ZNF329: variants seen among roughly 807,000 people sequenced by gnomAD.
ZNF329 encodes the protein zinc finger protein 329.
A neutral mutation model predicts 26.6 loss-of-function variants in ZNF329; 15 were observed. That is an observed-to-expected ratio of 0.56 (90% CI 0.38 to 0.87). The LOEUF (loss-of-function observed/expected upper bound fraction) is 0.87. Among genes scored for constraint, ZNF329 ranks in the 40% least tolerant of loss-of-function variants. ZNF329 has a pLI of 0.00. For missense variants in ZNF329, 651 were observed against 651.9 expected (o/e 1.00, Z 0.02); for synonymous variants, 239 against 233.5 (o/e 1.02, Z -0.21).
intron 3 of ZNF329, among the ~76,000 whole-genome samples, chr19:58,138,724 C>T (rs544494701): frequency 3.2e-4 from 48 of 152,192 alleles, no homozygotes; most frequent in Admixed American, 3.9e-4. Context: ...AGGCTGGGTG[C>T]GGTGGCTCAC....
chr19:58,140,079 C>T (rs981796438), intron 3 of ZNF329, among the ~76,000 whole-genome samples: 2 of 152,124 alleles, frequency 1.3e-5, no homozygotes, highest in Non-Finnish European at 2.9e-5. Flanking sequence ...AATTTAATCC[C>T]TACTGTGGTG....
At chr19:58,146,675 C>T (rs955931061) in intron 1 of ZNF329, among the ~76,000 whole-genome samples, 3 of 151,012 alleles carry the variant, frequency 2.0e-5, no homozygotes, top group Non-Finnish European at 3.0e-5. Flanking sequence ...CTCAGCCTGC[C>T]GAGTGCCTGC....
chr19:58,140,079 C>G (rs981796438), intron 3 of ZNF329, among the ~76,000 whole-genome samples: 1 of 152,124 alleles, frequency 6.6e-6, no homozygotes, highest in Non-Finnish European at 1.5e-5. Context: ...AATTTAATCC[C>G]TACTGTGGTG....
intron 3 of ZNF329, among the ~76,000 whole-genome samples, chr19:58,131,285 C>T (rs1313154678): frequency 6.6e-6 from 1 of 152,102 alleles, no homozygotes; most frequent in Non-Finnish European, 1.5e-5. Flanking sequence ...GGGGTCATGC[C>T]TGTAATCCCA....
At chr19:58,139,726 T>A (rs2075144524) in intron 3 of ZNF329, among the ~76,000 whole-genome samples, 1 of 152,152 alleles carries the variant, frequency 6.6e-6, no homozygotes, top group Admixed American at 6.5e-5. Flanking sequence ...GAGTTCTGAA[T>A]AGATATTTCC....
chr19:58,135,011 C>G, intron 3 of ZNF329, among the ~76,000 whole-genome samples: 1 of 151,852 alleles, frequency 6.6e-6, no homozygotes, highest in East Asian at 1.9e-4. Flanking sequence ...AAGAAAACAG[C>G]AAATCTAAGG....
chr19:58,149,927 C>G (rs1005342746), intron 1 of ZNF329, among the ~76,000 whole-genome samples: 1 of 152,110 alleles, frequency 6.6e-6, no homozygotes, highest in African/African-American at 2.4e-5. Context: ...GTTGTGATAT[C>G]TGCAACTTAC....
chr19:58,129,210 A>G lies in ZNF329; in HGVS notation c.294T>C (p.Val98=), dbSNP rs756926126. 6.2e-7 allele frequency: 1 copy of G among 1,614,180 alleles called. No individual in the cohort carries two copies. The highest frequency in any genetic ancestry group is 2.2e-5 in the East Asian group (1 of 44,874). Residue 98 remains valine (V), a synonymous_variant, in exon 4 of 4, where the codon GTT becomes GTC. Coordinates refer to ENST00000598312, the MANE Select transcript of ZNF329 (RefSeq NM_024620.4). ...AGGCGGGGTCACAATCCAGACCACTAACATTTGAGTCAGGTGCATGGAAAC... is the reference window on the plus strand; with the variant it reads ...AGGCGGGGTCACAATCCAGACCACTGACATTTGAGTCAGGTGCATGGAAAC... ...TNGFHAPDSN[V]SGLDCDPALP...
intron 1 of ZNF329, among the ~76,000 whole-genome samples, chr19:58,144,396 A>ATATATTTTTTT (rs756544055): frequency 7.8e-6 from 1 of 127,660 alleles, no homozygotes; most frequent in African/African-American, 3.0e-5. Context: ...ATATATATAT[A>ATATATTTTTTT]TTTTTTTTTT....
Position 58,127,907 on chromosome 19 carries a change from G to A in ZNF329, c.1597C>T (p.His533Tyr). Residue 533 changes from histidine (H) to tyrosine (Y), a missense_variant, in exon 4 of 4, where the codon CAC (histidine) becomes TAC (tyrosine). Physicochemically the swap from His to Tyr is moderately conservative, Grantham distance 83. Transcript: ENST00000598312. Reference protein sequence around the residue: ...SSSLVRHQRAHLGEQPMET With the variant: ...SSSLVRHQRAYLGEQPMET Reference sequence around the variant, plus strand: ...GTTTCCATGGGTTGCTCTCCCAGGTGTGCTCTTTGATGTCGAACAAGGGAT... The same window carrying A: ...GTTTCCATGGGTTGCTCTCCCAGGTATGCTCTTTGATGTCGAACAAGGGAT... The A allele has an allele frequency of 1.2e-6, 2 of 1,605,230 alleles. No homozygotes were observed. The highest frequency in any genetic ancestry group is 1.7e-6 in the Non-Finnish European group (2 of 1,175,466).
intron 3 of ZNF329, chr19:58,136,860 G>C (rs1374122078): frequency 6.1e-6 from 1 of 163,658 alleles, no homozygotes; most frequent in Admixed American, 6.3e-5. Context: ...AACACATTCT[G>C]GGATGTGGGT....
At chr19:58,153,160 A>C (rs920242940), upstream of ZNF329, among the ~76,000 whole-genome samples, 2 of 152,080 alleles carry the variant, frequency 1.3e-5, no homozygotes, top group African/African-American at 4.8e-5. Flanking sequence ...CCCAGGCTGG[A>C]GTGCAGTGAC....
chr19:58,129,886 A>G (rs1023222031), intron 3 of ZNF329, among the ~76,000 whole-genome samples: 1 of 152,138 alleles, frequency 6.6e-6, no homozygotes, highest in South Asian at 2.1e-4. Flanking sequence ...CACATTTCCA[A>G]AGCTCTGACT....
chr19:58,145,918 T>C (rs2075297666), intron 1 of ZNF329, among the ~76,000 whole-genome samples: 1 of 150,824 alleles, frequency 6.6e-6, no homozygotes, highest in Non-Finnish European at 1.5e-5. Flanking sequence ...AGTCTGAATT[T>C]AATATTGGGA....
At chr19:58,153,594 G>C (rs555773690), upstream of ZNF329, among the ~76,000 whole-genome samples, 24 of 152,304 alleles carry the variant, frequency 1.6e-4, no homozygotes, top group African/African-American at 4.6e-4. Flanking sequence ...TACAGAAACA[G>C]AAGGCCCACT....
At chr19:58,146,187 T>C (rs2075305507) in intron 1 of ZNF329, among the ~76,000 whole-genome samples, 1 of 152,038 alleles carries the variant, frequency 6.6e-6, no homozygotes, top group Admixed American at 6.6e-5. Context: ...TAATAAAGTA[T>C]CTGGGGCCAG....
intron 3 of ZNF329, among the ~76,000 whole-genome samples, chr19:58,136,502 T>C (rs1386218259): frequency 6.6e-6 from 1 of 151,482 alleles, no homozygotes; most frequent in Non-Finnish European, 1.5e-5. Flanking sequence ...AGTAAGACTG[T>C]GTCTCTATGA....
At position 58,128,150 on chromosome 19, in the gene ZNF329, C is replaced by G; in HGVS notation, c.1354G>C (p.Glu452Gln). Residue 452 changes from glutamate to glutamine, a missense_variant, in exon 4 of 4, where the codon GAG (glutamate) becomes CAG (glutamine). Physicochemically the swap from Glu to Gln is conservative, Grantham distance 29. Transcript: ENST00000598312. ...LIRHQRTHTG[E>Q]KPYECNQCGK... Reference sequence around the variant, plus strand: ...CACTGATTACACTCATAGGGCTTCTCACCAGTATGAGTCCTCTGGTGCCTA... The same window carrying G: ...CACTGATTACACTCATAGGGCTTCTGACCAGTATGAGTCCTCTGGTGCCTA... The G allele has an allele frequency of 6.3e-7, 1 of 1,588,270 alleles. No homozygotes were observed. Among genetic ancestry groups the G allele is most frequent in the Non-Finnish European group, 8.6e-7 (1 of 1,168,220 alleles).
At chr19:58,148,107 C>A (rs1410107386) in intron 1 of ZNF329, among the ~76,000 whole-genome samples, 2 of 151,884 alleles carry the variant, frequency 1.3e-5, no homozygotes, top group Admixed American at 6.6e-5. Context: ...ACCCTGTGCT[C>A]TCTGAAACAT....
Sources: allele counts gnomAD v4.1 joint callset (sites outside exome capture counted in the v4.1 genomes callset), GRCh38; gene constraint gnomAD v4.1.1; transcripts MANE v1.5; gene names NCBI Gene and HGNC (gene_info 2026-07-23, HGNC 2026-07-21).